Variants in GLIS1 observed in about 807,000 individuals in gnomAD.
The protein encoded by GLIS1 is GLIS family zinc finger 1.
GLIS1 carries 24 observed loss-of-function variants against 63.8 expected under a neutral mutation model. The ratio of observed to expected loss-of-function variants is 0.38; its 90% CI spans 0.27 to 0.53. The LOEUF is 0.53. Ranked by LOEUF, GLIS1 falls within the 20% of genes least tolerant of loss-of-function variation. The probability of loss-of-function intolerance (pLI) is 0.85; values close to 1 mark genes in which losing one functional copy is unlikely to be tolerated. For missense variants in GLIS1, 1,036 were observed against 1,074.1 expected, an observed-to-expected ratio of 0.96 and a Z score of 0.50; for synonymous variants, 450 against 482.5, an observed-to-expected ratio of 0.93 and a Z score of 0.88.
intron 4 of GLIS1, among the ~76,000 whole-genome samples, chr1:53,549,762 C>A (rs1462857898): frequency 6.6e-6 from 1 of 152,184 alleles, no homozygotes; most frequent in African/African-American, 2.4e-5. Context: ...ATGTTCCAGG[C>A]CCTATTTCAA....
intron 4 of GLIS1, among the ~76,000 whole-genome samples, chr1:53,547,829 A>G (rs192331633): frequency 6.6e-6 from 1 of 152,298 alleles, no homozygotes; most frequent in East Asian, 1.9e-4. Context: ...CATTAGAAAT[A>G]TGGTTCATAA....
rs766632140 is a variant in GLIS1 at position 53,732,317 on chromosome 1, ACCCAG to A, written c.259+5484_259+5488del. 5.9e-5 allele frequency among the ~76,000 whole-genome samples: 9 copies of A among 152,064 alleles called. No individual in the cohort carries two copies. In the East Asian group the frequency reaches 7.7e-4, roughly 13 times the overall value. On this transcript the variant is annotated intron_variant, in intron 2 of 10. Transcript: ENST00000628545. ...TTAGGGTTGTATTCTCTCCACCCCTACCCAGCCCAGCCTTCGGCTTTCTTTCAGTT... is the reference window on the plus strand; with the variant it reads ...TTAGGGTTGTATTCTCTCCACCCCTACCCAGCCTTCGGCTTTCTTTCAGTT...
intron 4 of GLIS1, among the ~76,000 whole-genome samples, chr1:53,556,240 GGTGTGT>G: frequency 8.2e-6 from 1 of 122,448 alleles, no homozygotes; most frequent in African/African-American, 3.1e-5. Context: ...GTGTACTGTA[GGTGTGT>G]GTGTGTGTGC....
intron 2 of GLIS1, among the ~76,000 whole-genome samples, chr1:53,660,260 C>T (rs759370563): frequency 5.9e-5 from 9 of 152,318 alleles, no homozygotes; most frequent in Non-Finnish European, 1.0e-4. Flanking sequence ...TCACCCCCAC[C>T]TCCACCCATG....
rs772037741 is a variant in GLIS1, at chr1:53,594,666, T to A, written c.762A>T (p.Ser254=). The A allele has an allele frequency of 1.9e-6, 3 of 1,551,802 alleles. No homozygotes were observed. In the South Asian group the frequency reaches 3.7e-5, roughly 19 times the overall value. Residue 254 remains serine (S), a synonymous_variant, in exon 4 of 11, where the codon TCA becomes TCT. Transcript: ENST00000628545. ...GLPPTSPASS[S]PCASSDVTSI... is the part of the protein sequence containing the mutation. ...AGGTGACGTCGGAGGAGGCACAGGG[T>A]GAGGAGGAGGCTGGGGAGGTGGGGG...
chr1:53,645,844 G>A (rs1279073031), intron 2 of GLIS1, among the ~76,000 whole-genome samples: 1 of 152,220 alleles, frequency 6.6e-6, no homozygotes, highest in Non-Finnish European at 1.5e-5. Flanking sequence ...CTTGCTTGCA[G>A]GAAGTAGAGC....
intron 4 of GLIS1, among the ~76,000 whole-genome samples, chr1:53,550,995 C>A (rs943432190): frequency 1.3e-5 from 2 of 152,082 alleles, no homozygotes; most frequent in Non-Finnish European, 2.9e-5. Context: ...GGATTACAGG[C>A]GCCCGCCAAC....
intron 2 of GLIS1, among the ~76,000 whole-genome samples, chr1:53,692,891 A>G (rs551863029): frequency 1.2e-4 from 18 of 152,052 alleles, no homozygotes; most frequent in African/African-American, 3.1e-4. Flanking sequence ...TGAGAAACCC[A>G]CTCAATCTTC....
intron 2 of GLIS1, among the ~76,000 whole-genome samples, chr1:53,629,267 C>T (rs1341964750): frequency 6.6e-6 from 1 of 152,184 alleles, no homozygotes; most frequent in African/African-American, 2.4e-5. Flanking sequence ...CCTACCCATC[C>T]CTCAAGGCCC....
intron 5 of GLIS1, among the ~76,000 whole-genome samples, chr1:53,525,853 G>C (rs1423863545): frequency 6.6e-6 from 1 of 152,098 alleles, no homozygotes; most frequent in Non-Finnish European, 1.5e-5. Context: ...CCCCGGGCCA[G>C]AACATCCCCC....
chr1:53,733,727 A>G (rs1342582662), intron 2 of GLIS1, among the ~76,000 whole-genome samples: 1 of 152,134 alleles, frequency 6.6e-6, no homozygotes, highest in Non-Finnish European at 1.5e-5. Flanking sequence ...TCTTTGTCTC[A>G]CTGAGCCTGA....
chr1:53,726,718 T>A (rs1362415413), intron 2 of GLIS1, among the ~76,000 whole-genome samples: 1 of 147,006 alleles, frequency 6.8e-6, no homozygotes, highest in South Asian at 2.3e-4. Flanking sequence ...CTCCCCAACC[T>A]CCCCCAGCCC....
At chr1:53,706,425 G>T (rs532591062) in intron 2 of GLIS1, among the ~76,000 whole-genome samples, 1 of 152,282 alleles carries the variant, frequency 6.6e-6, no homozygotes, top group East Asian at 1.9e-4. Flanking sequence ...GAGGAAGAGG[G>T]GCTCTTTCTG....
intron 2 of GLIS1, among the ~76,000 whole-genome samples, chr1:53,691,541 T>A (rs960789988): frequency 6.6e-6 from 1 of 152,106 alleles, no homozygotes; most frequent in African/African-American, 2.4e-5. Flanking sequence ...TGCTGCTCCA[T>A]GCTCTCCCAC....
At chr1:53,694,898 A>G (rs10888805) in intron 2 of GLIS1, among the ~76,000 whole-genome samples, 38,203 of 151,876 alleles carry the variant, frequency 0.25, 5,133 homozygotes, top group African/African-American at 0.36. Flanking sequence ...TCGTGCCTGC[A>G]AACAGCCACT....
chr1:53,704,447 T>C (rs1000827600), intron 2 of GLIS1, among the ~76,000 whole-genome samples: 5 of 152,350 alleles, frequency 3.3e-5, no homozygotes, highest in African/African-American at 1.2e-4. Flanking sequence ...AGCCAGTCCC[T>C]GACCTCAGGG....
intron 4 of GLIS1, among the ~76,000 whole-genome samples, chr1:53,586,980 G>A (rs546751630): frequency 1.9e-3 from 282 of 152,236 alleles, no homozygotes; most frequent in Non-Finnish European, 2.8e-3. Flanking sequence ...TACACACAGC[G>A]CAACACATGC....
intron 2 of GLIS1, among the ~76,000 whole-genome samples, chr1:53,601,303 G>A (rs533035752): frequency 5.5e-4 from 83 of 152,288 alleles, no homozygotes; most frequent in African/African-American, 1.9e-3. Context: ...TCTCTAGCAC[G>A]GTGCTGAAAC....
intron 4 of GLIS1, among the ~76,000 whole-genome samples, chr1:53,559,466 T>C (rs1644863688): frequency 6.6e-6 from 1 of 152,136 alleles, no homozygotes; most frequent in South Asian, 2.1e-4. Context: ...CTCGTGCCCA[T>C]CCTTCCGAGC....
Sources: allele counts gnomAD v4.1 joint callset (sites outside exome capture counted in the v4.1 genomes callset), GRCh38; gene constraint gnomAD v4.1.1; transcripts MANE v1.5; gene names NCBI Gene and HGNC (gene_info 2026-07-23, HGNC 2026-07-21).